DPEP1: variants seen among roughly 807,000 people sequenced by gnomAD.
DPEP1 encodes the protein beta-lactamase.
Under a neutral mutation model 42.3 loss-of-function variants are expected in DPEP1, and 50 were observed. The ratio of observed to expected loss-of-function variants is 1.18; its 90% CI spans 0.94 to 1.50. The LOEUF (loss-of-function observed/expected upper bound fraction) is 1.50, where lower values mean the gene tolerates loss of function less well. DPEP1 is among the 40% of genes most tolerant of loss of function. The pLI is 0.00. For missense variants in DPEP1, 663 were observed against 553.0 expected (o/e 1.20, Z -1.99); for synonymous variants, 297 against 234.0 (o/e 1.27, Z -2.46).
At chr16:89,614,735 C>T (rs1006689121) in intron 1 of DPEP1, among the ~76,000 whole-genome samples, 6 of 152,178 alleles carry the variant, frequency 3.9e-5, no homozygotes, top group Admixed American at 2.0e-4. Context: ...GCGGAGGTTG[C>T]GGTGAGCTGA....
intron 1 of DPEP1, among the ~76,000 whole-genome samples, chr16:89,629,301 G>C (rs2059554769): frequency 6.6e-6 from 1 of 152,078 alleles, no homozygotes; most frequent in Non-Finnish European, 1.5e-5. Context: ...AGGAGTTCGA[G>C]ACCAGCCTGG....
chr16:89,614,516 C>T (rs981270815), intron 1 of DPEP1, among the ~76,000 whole-genome samples: 3 of 152,216 alleles, frequency 2.0e-5, no homozygotes, highest in South Asian at 2.1e-4. Context: ...AAGCTGTGGC[C>T]GGGCGCGGTG....
In DPEP1 at chr16:89,628,252, C is replaced by CTTTTTTTTTTTTT. The variant is rs60909664; in HGVS notation, c.-106-2050_-106-2049insTTTTTTTTTTTTT. Among the ~76,000 whole-genome samples the CTTTTTTTTTTTTT allele has an allele frequency of 6.6e-5, 5 of 75,518 alleles. No individual in the cohort carries two copies. In the East Asian group the frequency reaches 7.0e-4, roughly 11 times the overall value. 49.5% of individuals were successfully genotyped at this position (75,518 alleles called of 152,430 possible). ...AGGTATTTCTTTCTTTCTTTCTTTT[C>CTTTTTTTTTTTTT]TTTCTTTTTTTTTTTTTTTTGTGAG... On this transcript the variant is annotated intron_variant, in intron 1 of 10. Transcript: ENST00000690203.
rs752018188 is a variant in DPEP1 at position 89,635,967 on chromosome 16, G to A, written c.164G>A (p.Arg55Lys). 5 of 1,612,282 alleles carry A rather than the reference G, an allele frequency of 3.1e-6. No homozygotes were observed. Among genetic ancestry groups the A allele is most frequent in the Non-Finnish European group, 4.2e-6 (5 of 1,179,750 alleles). Residue 55 changes from arginine to lysine, a missense_variant, in exon 3 of 11, where the codon AGG (arginine) becomes AAG (lysine). Arg to Lys is a conservative substitution (Grantham distance 26). Transcript: ENST00000690203. ...TTCAACAACCGGCTGCAGGACGAGAGGGCCAACCTGACCACCTTGGCCGGC... is the reference window on the plus strand; with the variant it reads ...TTCAACAACCGGCTGCAGGACGAGAAGGCCAACCTGACCACCTTGGCCGGC... ...DMFNNRLQDE[R>K]ANLTTLAGTH...
chr16:89,638,076 G>A lies in DPEP1; in HGVS notation c.1090G>A (p.Glu364Lys), dbSNP rs147872447. Residue 364 changes from glutamate (E) to lysine (K), a missense_variant, in exon 11 of 11, where the codon GAG becomes AAG. Transcript: ENST00000690203. The part of the protein sequence containing the change: ...EQASNLTQAP[E>K]EEPIPLDQLG... ...GGCCAGCAACCTCACACAGGCTCCCGAGGAGGAGCCCATCCCGCTGGACCA... is the reference window on the plus strand; with the variant it reads ...GGCCAGCAACCTCACACAGGCTCCCAAGGAGGAGCCCATCCCGCTGGACCA... 109 of 1,612,188 alleles carry A rather than the reference G, an allele frequency of 6.8e-5. 1 individual carries two copies. The East Asian group carries it at 1.8e-3, about 27-fold the overall frequency.
intron 2 of DPEP1, among the ~76,000 whole-genome samples, chr16:89,633,073 G>A (rs188340361): frequency 1.4e-3 from 219 of 152,242 alleles, no homozygotes; most frequent in Admixed American, 3.7e-3. Flanking sequence ...GGCCGCCTGC[G>A]TCCTCAGGCC....
At chr16:89,640,593 G>A, downstream of DPEP1, 1 of 982,254 alleles carries the variant, frequency 1.0e-6, no homozygotes, top group Non-Finnish European at 1.2e-6. Context: ...TCCCCTCCCA[G>A]CCTGGCTGCT....
chr16:89,636,071 G>T (rs1230114656), intron 3 of DPEP1, 31 bp downstream of exon 3: 1 of 1,588,628 alleles, frequency 6.3e-7, no homozygotes. Flanking sequence ...TGCTTGCCCT[G>T]TGTGGGGTCA....
chr16:89,633,896 A>G (rs2059623367), intron 2 of DPEP1, among the ~76,000 whole-genome samples: 1 of 151,948 alleles, frequency 6.6e-6, no homozygotes. Context: ...AGCCCACATT[A>G]CAGGAAGGAG....
rs1326374916 is a variant in DPEP1 at position 89,622,804 on chromosome 16, C to T, written c.-106-7501C>T. 6.0e-5 allele frequency among the ~76,000 whole-genome samples: 9 copies of T among 151,230 alleles called. No homozygotes were observed. The East Asian group carries it at 7.8e-4, about 13-fold the overall frequency. On this transcript the variant is annotated intron_variant, in intron 1 of 10. Transcript: ENST00000690203. ...GTCTCAAAAAAAAAAAAAACACACT[C>T]GTCAGACAATAGAAAGTCTCCGCTG...
rs529658340 is a variant in DPEP1, at chr16:89,636,081, A to T, written c.237+41A>T. 4.8e-5 allele frequency: 76 copies of T among 1,579,918 alleles called. 1 individual carries two copies. The highest frequency in any genetic ancestry group is 6.4e-5 in the Non-Finnish European group (75 of 1,163,362). Reference sequence around the variant, plus strand: ...CCTTGTGCTTGCCCTGTGTGGGGTCATCCCGTCTCCTACCTCAGGCCTGGC... The same window carrying T: ...CCTTGTGCTTGCCCTGTGTGGGGTCTTCCCGTCTCCTACCTCAGGCCTGGC... On this transcript the variant is annotated intron_variant, in intron 3 of 10. Transcript: ENST00000690203.
downstream of DPEP1, among the ~76,000 whole-genome samples, chr16:89,639,587 A>C: frequency 7.4e-6 from 1 of 134,802 alleles, no homozygotes; most frequent in South Asian, 2.5e-4. Flanking sequence ...ACCCTGCACG[A>C]GCAACCCCAC....
At chr16:89,631,562 C>G (rs529568647) in intron 2 of DPEP1, among the ~76,000 whole-genome samples, 14 of 152,296 alleles carry the variant, frequency 9.2e-5, no homozygotes, top group Non-Finnish European at 2.9e-5. Context: ...CGCATAAGAA[C>G]TTCAGGGAAC....
intron 1 of DPEP1, among the ~76,000 whole-genome samples, chr16:89,615,010 C>T (rs1203626720): frequency 1.3e-5 from 2 of 152,116 alleles, no homozygotes; most frequent in South Asian, 2.1e-4. Context: ...CATCTCTTGG[C>T]GAATTCTTGC....
chr16:89,636,380 T>C lies in DPEP1; in HGVS notation c.354T>C (p.Tyr118=), dbSNP rs1431772957. ...MCRMYPETFL[Y]VTSSAGIRQA... is the part of the protein sequence containing the mutation. ...GGATGTACCCGGAGACCTTCCTGTA[T>C]GTCACCAGCAGTGCAGGTGGGGTCC... Residue 118 remains tyrosine, a synonymous_variant, in exon 4 of 11, where the codon TAT becomes TAC. Transcript: ENST00000690203. 6.2e-7 allele frequency: 1 copy of C among 1,612,212 alleles called. No individual in the cohort carries two copies. The highest frequency in any genetic ancestry group is 8.5e-7 in the Non-Finnish European group (1 of 1,179,678).
intron 1 of DPEP1, among the ~76,000 whole-genome samples, chr16:89,618,970 TG>T (rs2059411984): frequency 8.4e-5 from 1 of 11,890 alleles, no homozygotes. Context: ...GCAGCCCCCC[TG>T]CCCCCCCGCT....
At chr16:89,630,134 A>G (rs531538705) in intron 1 of DPEP1, among the ~76,000 whole-genome samples, 171 bp from the exon 2 acceptor site, 1 of 151,956 alleles carries the variant, frequency 6.6e-6, no homozygotes, top group East Asian at 1.9e-4. Flanking sequence ...GCTTCTTACT[A>G]TGCCTCCGCC....
At position 89,637,465 on chromosome 16, in the gene DPEP1, C is replaced by T. The variant is rs369698940; in HGVS notation, c.769-3C>T. 4.2e-5 allele frequency: 68 copies of T among 1,612,812 alleles called. No individual in the cohort carries two copies. The African/African-American group carries it at 8.9e-4, about 21-fold the overall frequency. On this transcript the variant is annotated splice_region_variant and splice_polypyrimidine_tract_variant and intron_variant, in intron 7 of 10. Coordinates refer to ENST00000690203, the MANE Select transcript of DPEP1 (RefSeq NM_001389466.1). ...GCTTCACCCTGTCTTCCTTCTTGTG[C>T]AGAAACAGACAGACAGCCTGGTGAT...
chr16:89,616,162 G>A (rs549301158), intron 1 of DPEP1, among the ~76,000 whole-genome samples: 64 of 151,748 alleles, frequency 4.2e-4, no homozygotes, highest in African/African-American at 1.4e-3. Flanking sequence ...GGCTTCGGGG[G>A]CTGGGCTGGG....
Sources: gnomAD v4.1 joint callset for allele counts (sites outside exome capture counted in the v4.1 genomes callset) on GRCh38, gnomAD v4.1.1 for gene constraint, MANE v1.5 for transcripts, NCBI Gene and HGNC (gene_info 2026-07-23, HGNC 2026-07-21) for gene names.